XCR1: variants seen among roughly 807,000 people sequenced by gnomAD.
XCR1 encodes chemokine XC receptor 1.
For missense variants in XCR1, 356 were observed against 424.2 expected (o/e 0.84, Z 1.41); for synonymous variants, 187 against 188.5 (o/e 0.99, Z 0.06).
chr3:46,037,384 G>A (rs1697448897), intron 5 of XCR1, among the ~76,000 whole-genome samples: 1 of 152,072 alleles, frequency 6.6e-6, no homozygotes, highest in Admixed American at 6.6e-5. Flanking sequence ...GGTGAGAAAG[G>A]TTATAAAGAA....
chr3:46,078,230 A>T lies in XCR1; in HGVS notation c.-514-1304T>A, dbSNP rs1314355524. The stretch of plus-strand genomic sequence containing the variant: ...AAATTATGAATATATTTTGTGCCTC[A>T]TCTTCTTCCTTTGGGGTCAGCATTT... On this transcript the variant is annotated intron_variant, in intron 1 of 5. Transcript: ENST00000683768. Among the ~76,000 whole-genome samples, 4 of 152,276 alleles carry T rather than the reference A, an allele frequency of 2.6e-5. No homozygotes were observed. In the East Asian group the frequency reaches 7.7e-4, roughly 29 times the overall value.
chr3:46,063,448 C>T (rs1365346348), intron 4 of XCR1, among the ~76,000 whole-genome samples: 1 of 152,190 alleles, frequency 6.6e-6, no homozygotes, highest in African/African-American at 2.4e-5. Context: ...ACATACTCCA[C>T]TTTCTTTTTC....
upstream of XCR1, among the ~76,000 whole-genome samples, chr3:46,028,851 C>T (rs1708350866): frequency 6.6e-6 from 1 of 152,112 alleles, no homozygotes. Flanking sequence ...CTTGCCCTCC[C>T]AAAGCTCTGA....
chr3:46,030,162 C>T (rs1490312886), upstream of XCR1, among the ~76,000 whole-genome samples: 1 of 152,034 alleles, frequency 6.6e-6, no homozygotes, highest in Non-Finnish European at 1.5e-5. Context: ...ACTTTTCCCC[C>T]CACCGTGTTT....
intron 3 of XCR1, among the ~76,000 whole-genome samples, chr3:46,073,695 C>T (rs1348368977): frequency 6.6e-6 from 1 of 150,400 alleles, no homozygotes; most frequent in Non-Finnish European, 1.5e-5. Context: ...GGACTAATAT[C>T]CAGAATTTAC....
chr3:46,052,463 A>AT (rs1697766794), intron 5 of XCR1, among the ~76,000 whole-genome samples: 1 of 152,002 alleles, frequency 6.6e-6, no homozygotes, highest in African/African-American at 2.4e-5. Context: ...CAGTCCTGGT[A>AT]TTTTTTCCCC....
intron 5 of XCR1, among the ~76,000 whole-genome samples, chr3:46,036,657 G>A (rs1218203842): frequency 6.6e-6 from 1 of 152,170 alleles, no homozygotes; most frequent in Non-Finnish European, 1.5e-5. Context: ...GTCTCTGCTA[G>A]ATATTTTGAG....
At chr3:46,058,064 A>G (rs1348488642) in intron 4 of XCR1, among the ~76,000 whole-genome samples, 3 of 152,156 alleles carry the variant, frequency 2.0e-5, no homozygotes, top group African/African-American at 7.2e-5. Context: ...CCTGACTCAT[A>G]TGGATTTAGG....
At chr3:46,026,202 T>G (rs928446668) in intron 1 of XCR1, among the ~76,000 whole-genome samples, 8 of 152,310 alleles carry the variant, frequency 5.3e-5, no homozygotes, top group African/African-American at 1.9e-4. Context: ...TTTTTGCTGG[T>G]TATTAATTCA....
At chr3:46,081,562 T>C (rs1698363543) in intron 1 of XCR1, among the ~76,000 whole-genome samples, 1 of 152,212 alleles carries the variant, frequency 6.6e-6, no homozygotes, top group South Asian at 2.1e-4. Context: ...ACTGGAGATT[T>C]CTTTTTTCTT....
At chr3:46,055,709 A>G (rs774761124) in intron 4 of XCR1, among the ~76,000 whole-genome samples, 1 of 152,194 alleles carries the variant, frequency 6.6e-6, no homozygotes, top group Non-Finnish European at 1.5e-5. Flanking sequence ...ACAGTACCTC[A>G]GAGGGTCCTC....
At chr3:46,033,096 G>GT (rs35467633) in intron 5 of XCR1, among the ~76,000 whole-genome samples, 30,058 of 150,818 alleles carry the variant, frequency 0.2, 4,351 homozygotes, top group African/African-American at 0.4. Flanking sequence ...TTTTAACAAG[G>GT]TTTTTTTTTG....
At chr3:46,037,898 G>C (rs1697462891) in intron 5 of XCR1, among the ~76,000 whole-genome samples, 2 of 152,106 alleles carry the variant, frequency 1.3e-5, no homozygotes, top group African/African-American at 4.8e-5. Flanking sequence ...CTGGTACTAA[G>C]GTACTTGTAC....
intron 1 of XCR1, among the ~76,000 whole-genome samples, chr3:46,079,125 A>C (rs1698312656): frequency 6.6e-6 from 1 of 152,208 alleles, no homozygotes; most frequent in South Asian, 2.1e-4. Context: ...GAAGTTCCTA[A>C]GTTACGGGAA....
At position 46,021,312 on chromosome 3, in the gene XCR1, C is replaced by G; in HGVS notation, c.636G>C (p.Leu212=). 1.2e-6 allele frequency: 2 copies of G among 1,614,224 alleles called. No homozygotes were observed. Among genetic ancestry groups the G allele is most frequent in the Non-Finnish European group, 1.7e-6 (2 of 1,180,048 alleles). The stretch of plus-strand genomic sequence containing the variant: ...GGCGCCGCTTGGAGCGTGAGCGGAA[C>G]AGGGTCCTGAGGATCTCCACGTAGC... ...LFCYVEILRT[L]FRSRSKRRHR... Residue 212 remains leucine, a synonymous_variant, in exon 2 of 2, where the codon CTG becomes CTC. Coordinates refer to ENST00000309285, the MANE Select transcript of XCR1 (RefSeq NM_001024644.2). This position sits in a 1 kb window ranked among gnomAD's most constrained non-coding sequence, Gnocchi z 4.7.
intron 1 of XCR1, among the ~76,000 whole-genome samples, chr3:46,025,451 T>G (rs938693121): frequency 3.3e-5 from 5 of 151,918 alleles, no homozygotes; most frequent in Non-Finnish European, 4.4e-5. Context: ...ACCAAAAAAT[T>G]GATGAAGCCT....
intron 5 of XCR1, among the ~76,000 whole-genome samples, chr3:46,053,104 A>G (rs998147704): frequency 1.3e-5 from 2 of 152,156 alleles, no homozygotes; most frequent in African/African-American, 4.8e-5. Flanking sequence ...TCCATGTCAG[A>G]TATGCGCTAG....
At chr3:46,077,359 A>G (rs1012726821) in intron 1 of XCR1, among the ~76,000 whole-genome samples, 1 of 151,974 alleles carries the variant, frequency 6.6e-6, no homozygotes, top group African/African-American at 2.4e-5. Flanking sequence ...CGAGGGACCT[A>G]GGTTGCATGC....
intron 3 of XCR1, among the ~76,000 whole-genome samples, chr3:46,068,292 G>C (rs1475813593): frequency 6.6e-6 from 1 of 152,048 alleles, no homozygotes; most frequent in East Asian, 1.9e-4. Context: ...CTCATTGGGT[G>C]CAATTTTGCC....
Sources: allele counts gnomAD v4.1 joint callset (sites outside exome capture counted in the v4.1 genomes callset), GRCh38; gene constraint gnomAD v4.1.1; non-coding constraint Gnocchi (gnomAD v3.1); transcripts MANE v1.5; gene names NCBI Gene and HGNC (gene_info 2026-07-23, HGNC 2026-07-21).